EIF2D: variants seen among roughly 807,000 people sequenced by gnomAD.
The protein encoded by EIF2D is hepatocellular carcinoma-associated antigen 56.
A neutral mutation model predicts 77.4 loss-of-function variants in EIF2D; 56 were observed. The observed-to-expected ratio is 0.72, with a 90% CI of 0.58 to 0.90. The LOEUF (loss-of-function observed/expected upper bound fraction) is 0.90, where lower values mean the gene tolerates loss of function less well. EIF2D is among the 40% of genes least tolerant of loss of function. The pLI is 0.00. For missense variants in EIF2D, 574 were observed against 706.5 expected (o/e 0.81, Z 2.13); for synonymous variants, 230 against 271.0 (o/e 0.85, Z 1.49).
chr1:206,611,917 C>T (rs1553414098), intron 1 of EIF2D, among the ~76,000 whole-genome samples: 1 of 152,108 alleles, frequency 6.6e-6, no homozygotes, highest in African/African-American at 2.4e-5. Context: ...ATTTTTTTCT[C>T]TTATACTTTT....
At chr1:206,585,659 C>A in intron 2 of EIF2D, 1 of 186,774 alleles carries the variant, frequency 5.4e-6, no homozygotes, top group Non-Finnish European at 1.1e-5. Context: ...CTGGGCTCCA[C>A]TGGGTATAGA....
chr1:206,572,075 C>T (rs1553404279), intron 5 of EIF2D, among the ~76,000 whole-genome samples: 1 of 152,172 alleles, frequency 6.6e-6, no homozygotes, highest in African/African-American at 2.4e-5. Context: ...ATCTGGTGTT[C>T]AGTAGTCTCA....
intron 4 of EIF2D, 112 bp downstream of exon 4, chr1:206,608,124 A>G: frequency 9.8e-7 from 1 of 1,018,248 alleles, no homozygotes; most frequent in Non-Finnish European, 1.4e-6. Context: ...TTCTTCCAAA[A>G]CCGATTTTTG....
downstream of EIF2D, among the ~76,000 whole-genome samples, chr1:206,569,173 A>G (rs1668369798): frequency 6.6e-6 from 1 of 152,244 alleles, no homozygotes; most frequent in Non-Finnish European, 1.5e-5. Flanking sequence ...AGGCACACAC[A>G]TTTATTTAAC....
intron 2 of EIF2D, among the ~76,000 whole-genome samples, chr1:206,610,939 T>A (rs1194615563): frequency 6.6e-6 from 1 of 152,208 alleles, no homozygotes; most frequent in African/African-American, 2.4e-5. Context: ...GCAACCACCC[T>A]TACTTACTAT....
downstream of EIF2D, chr1:206,586,753 C>G: frequency 8.6e-7 from 1 of 1,168,324 alleles, no homozygotes; most frequent in Non-Finnish European, 1.2e-6. Context: ...GCAGCAGGGT[C>G]TCTCAGGTCG....
At position 206,584,772 on chromosome 1, in the gene EIF2D, G is replaced by C; in HGVS notation, c.139-3610C>G. On this transcript the variant is annotated intron_variant and NMD_transcript_variant, in intron 2 of 5. Transcript: ENST00000472709. The surrounding 1 kb of genome is among the most constrained non-coding windows in gnomAD (Gnocchi z 4.9). ...TAAAACTCCTGCCGGCCTTGGGTGG[G>C]AGCTGTGGGCTTCTCCTGAGCACCA... is the stretch of plus-strand genomic sequence containing the variant. 1 of 1,430,344 alleles carries C rather than the reference G, an allele frequency of 7.0e-7. No individual in the cohort carries two copies. The allele number at this position is 1,430,344 out of a possible 1,614,324, so 88.6% of individuals were successfully genotyped here. A position where few individuals can be genotyped will look rare whatever the true frequency, so the allele number is the denominator to read the frequency against.
At chr1:206,595,926 G>A in intron 12 of EIF2D, 88 bp from the exon 13 acceptor site, 1 of 1,550,566 alleles carries the variant, frequency 6.4e-7, no homozygotes, top group Non-Finnish European at 8.7e-7. Context: ...TTAGGTGTAG[G>A]CTGAAATTGC....
intron 5 of EIF2D, 52 bp downstream of exon 5, chr1:206,605,348 C>T (rs1553412425): frequency 1.4e-6 from 2 of 1,463,802 alleles, no homozygotes; most frequent in African/African-American, 1.4e-5. Context: ...AGGCCCCATC[C>T]TCTCCCCAGC....
chr1:206,575,819 G>A (rs1201566943), intron 4 of EIF2D, among the ~76,000 whole-genome samples: 1 of 152,216 alleles, frequency 6.6e-6, no homozygotes, highest in African/African-American at 2.4e-5. Flanking sequence ...TCTTGCATTT[G>A]TTCTCATCAG....
At position 206,602,345 on chromosome 1, in the gene EIF2D, A is replaced by G. The variant is rs1669965863; in HGVS notation, c.893T>C (p.Phe298Ser). ...TCAGTGCTTTCCATACCAGCAGGAGAACATGTGGCTGCCAAGGAAAGTGCT... is the reference window on the plus strand; with the variant it reads ...TCAGTGCTTTCCATACCAGCAGGAGGACATGTGGCTGCCAAGGAAAGTGCT... ...LTSTFLGSHM[F>S]SCCPEGRQLD... Residue 298 changes from phenylalanine (F) to serine (S), a missense_variant, in exon 7 of 15, where the codon TTC becomes TCC. Physicochemically the swap from Phe to Ser is radical, Grantham distance 155 (BLOSUM62 -2). Transcript: ENST00000271764. The G allele has an allele frequency of 6.2e-7, 1 of 1,613,960 alleles. No individual in the cohort carries two copies. Among genetic ancestry groups the G allele is most frequent in the Non-Finnish European group, 8.5e-7 (1 of 1,179,910 alleles).
At chr1:206,600,406 C>T in intron 7 of EIF2D, 98 bp from the exon 8 acceptor site, 2 of 1,136,598 alleles carry the variant, frequency 1.8e-6, no homozygotes, top group Admixed American at 1.9e-5. Flanking sequence ...CCTTCCTCCC[C>T]CACCTTCAGA....
chr1:206,579,697 C>A lies in EIF2D; in HGVS notation c.*254+995G>T, dbSNP rs115172613. On this transcript the variant is annotated intron_variant and NMD_transcript_variant, in intron 4 of 5. Coordinates refer to the EIF2D transcript ENST00000472709. The surrounding 1 kb of genome is among the most constrained non-coding windows in gnomAD (Gnocchi z 4.2). ...TCCCATGCCCAGACTGCACCCCAGA[C>A]CAATTAAATCAGAATCTCCAGGGAT... 5.4e-3 allele frequency among the ~76,000 whole-genome samples: 821 copies of A among 152,308 alleles called. 11 individuals are homozygous for A. Among genetic ancestry groups the A allele is most frequent in the African/African-American group, 0.019 (771 of 41,544 alleles).
Position 206,579,209 on chromosome 1 carries a change from C to T in EIF2D, c.*254+1483G>A, listed in dbSNP as rs782602365. 1.3e-5 allele frequency among the ~76,000 whole-genome samples: 2 copies of T among 152,208 alleles called. No homozygotes were observed. Among genetic ancestry groups the T allele is most frequent in the Admixed American group, 6.5e-5 (1 of 15,278 alleles). On this transcript the variant is annotated intron_variant and NMD_transcript_variant, in intron 4 of 5. Transcript: ENST00000472709. The surrounding 1 kb of genome is among the most constrained non-coding windows in gnomAD (Gnocchi z 4.2). ...GCATTGGGAACAGCTCAGCCATCTG[C>T]CACCAATGCCAGGGGCTTAATCGGA... is the stretch of plus-strand genomic sequence containing the variant.
In EIF2D at chr1:206,602,203, T is replaced by C. The variant is rs891263155; in HGVS notation, c.902+133A>G. The C allele has an allele frequency of 7.7e-5, 50 of 647,718 alleles. No homozygotes were observed. In the African/African-American group the frequency reaches 7.8e-4, roughly 10 times the overall value. The allele number at this position is 647,718 out of a possible 1,614,324, so 40.1% of individuals were successfully genotyped here. A position where few individuals can be genotyped will look rare whatever the true frequency, so the allele number is the denominator to read the frequency against. ...CCCAGGAACTAATGTATTTGTCAGA[T>C]AAGCCTTCCCTCCACTCTTTCCACA... is the stretch of plus-strand genomic sequence containing the variant. On this transcript the variant is annotated intron_variant, in intron 7 of 14. Coordinates refer to ENST00000271764, the MANE Select transcript of EIF2D (RefSeq NM_006893.3).
At chr1:206,602,771 T>A in intron 6 of EIF2D, 180 bp downstream of exon 6, 1 of 906,850 alleles carries the variant, frequency 1.1e-6, no homozygotes. Flanking sequence ...ACGTGACTTA[T>A]GTGGAAAGGA....
chr1:206,607,008 G>A (rs570844545), intron 4 of EIF2D, among the ~76,000 whole-genome samples: 1 of 152,238 alleles, frequency 6.6e-6, no homozygotes, highest in Non-Finnish European at 1.5e-5. Context: ...ACTAGCAACA[G>A]TGTCCCTAGA....
At chr1:206,600,363 G>A in intron 7 of EIF2D, 55 bp from the exon 8 acceptor site, 1 of 1,536,734 alleles carries the variant, frequency 6.5e-7, no homozygotes, top group Non-Finnish European at 9.0e-7. Context: ...ACTGGGACCT[G>A]CCTGACACTG....
At chr1:206,571,687 A>G (rs1346897969) in intron 5 of EIF2D, among the ~76,000 whole-genome samples, 2 of 152,244 alleles carry the variant, frequency 1.3e-5, no homozygotes, top group Non-Finnish European at 2.9e-5. Flanking sequence ...AGACACTGTC[A>G]GTTCCAGGGG....
Sources: allele counts gnomAD v4.1 joint callset (sites outside exome capture counted in the v4.1 genomes callset), GRCh38; gene constraint gnomAD v4.1.1; non-coding constraint Gnocchi (gnomAD v3.1); transcripts MANE v1.5; gene names NCBI Gene and HGNC (gene_info 2026-07-23, HGNC 2026-07-21).